Variants in CACNA1C observed in about 807,000 individuals in gnomAD.
CACNA1C encodes the protein voltage-dependent L-type calcium channel subunit alpha-1C.
A neutral mutation model predicts 229.0 loss-of-function variants in CACNA1C; 30 were observed. The ratio of observed to expected loss-of-function variants is 0.13; its 90% confidence interval spans 0.10 to 0.18. The LOEUF is 0.18. Among genes scored for constraint, CACNA1C ranks in the 10% least tolerant of loss-of-function variants. CACNA1C has a pLI of 1.00. For missense variants in CACNA1C, 1,658 were observed against 2,845.0 expected (o/e 0.58, Z 9.49); for synonymous variants, 1,114 against 1,132.5 (o/e 0.98, Z 0.33).
chr12:2,594,731 C>A (rs983574786), intron 19 of CACNA1C, among the ~76,000 whole-genome samples: 5 of 152,158 alleles, frequency 3.3e-5, no homozygotes, highest in African/African-American at 1.2e-4. Context: ...GGGGCTTGTC[C>A]TTTTGTGCAT....
chr12:2,109,523 C>T (rs1056362273), intron 1 of CACNA1C, among the ~76,000 whole-genome samples: 5 of 152,140 alleles, frequency 3.3e-5, no homozygotes, highest in Non-Finnish European at 7.3e-5. Context: ...TTGGACCGGG[C>T]CCAGAGGGGA....
chr12:2,147,787 T>TG (rs1313942932), intron 3 of CACNA1C, among the ~76,000 whole-genome samples: 3 of 125,662 alleles, frequency 2.4e-5, no homozygotes, highest in East Asian at 2.3e-4. Context: ...GGGGGGATTT[T>TG]GGGGGGGCAA....
chr12:2,669,055 C>A lies in CACNA1C; in HGVS notation c.4726+20C>A. The stretch of plus-strand genomic sequence containing the variant: ...CAGAAGGTAAGGTCGCCCGTGGGCA[C>A]TGGGAGAGACACTCAGAAGGTCTAG... On this transcript the variant is annotated intron_variant, in intron 38 of 46. Transcript: ENST00000399655. 6.7e-7 allele frequency: 1 copy of A among 1,490,204 alleles called. No homozygotes were observed. Among genetic ancestry groups the A allele is most frequent in the Non-Finnish European group, 9.4e-7 (1 of 1,066,832 alleles). The allele number at this position is 1,490,204 out of a possible 1,614,324, so 92.3% of individuals were successfully genotyped here.
At chr12:2,625,867 AG>A (rs1303828499) in intron 29 of CACNA1C, among the ~76,000 whole-genome samples, 2 of 152,134 alleles carry the variant, frequency 1.3e-5, no homozygotes, top group East Asian at 3.8e-4. Context: ...CTGAGACGAG[AG>A]GATCTCTTGT....
intron 1 of CACNA1C, among the ~76,000 whole-genome samples, chr12:2,071,768 T>C (rs2061425598): frequency 6.6e-6 from 1 of 152,236 alleles, no homozygotes; most frequent in Non-Finnish European, 1.5e-5. Context: ...ATTTGCAATT[T>C]CAATGACATT....
chr12:2,154,650 T>C (rs533316918), intron 3 of CACNA1C, among the ~76,000 whole-genome samples: 4 of 152,212 alleles, frequency 2.6e-5, no homozygotes, highest in Non-Finnish European at 5.9e-5. Context: ...CACTGAAGGT[T>C]TACCAGGCAG....
intron 7 of CACNA1C, among the ~76,000 whole-genome samples, chr12:2,497,021 T>TA (rs1220138125): frequency 1.3e-5 from 2 of 152,240 alleles, no homozygotes; most frequent in African/African-American, 4.8e-5. Flanking sequence ...TGTGTAACGT[T>TA]ACCATTGTTT....
chr12:2,648,577 C>T, intron 31 of CACNA1C, 70 bp downstream of exon 31: 1 of 1,451,250 alleles, frequency 6.9e-7, no homozygotes, highest in Non-Finnish European at 9.7e-7. Flanking sequence ...TCTCCCCACC[C>T]CGAACTCCAG....
intron 13 of CACNA1C, among the ~76,000 whole-genome samples, chr12:2,577,142 G>C (rs1355527752): frequency 2.0e-5 from 3 of 152,236 alleles, no homozygotes; most frequent in Non-Finnish European, 4.4e-5. Flanking sequence ...TCTGTTGAAT[G>C]GGAAGCAACA....
In CACNA1C at chr12:2,651,869, C is replaced by A; in HGVS notation, c.4074+101C>A. ...AGGAGCCCTCCACTCTGGGGCCCTG[C>A]TCCTTCCTCTGTGTGGCAGAACTCG... On this transcript the variant is annotated intron_variant, in intron 32 of 46. Transcript: ENST00000399655. This position sits in a 1 kb window ranked among gnomAD's most constrained non-coding sequence, Gnocchi z 5.4. 1 of 917,196 alleles carries A rather than the reference C, an allele frequency of 1.1e-6. No homozygotes were observed. The highest frequency in any genetic ancestry group is 1.6e-6 in the Non-Finnish European group (1 of 621,462). 56.8% of individuals were successfully genotyped at this position (917,196 alleles called of 1,614,324 possible). A position where few individuals can be genotyped will look rare whatever the true frequency, so the allele number is the denominator to read the frequency against.
At chr12:2,121,548 G>A (rs369405742) in intron 3 of CACNA1C, among the ~76,000 whole-genome samples, 10 of 152,194 alleles carry the variant, frequency 6.6e-5, no homozygotes, top group Admixed American at 5.9e-4. Context: ...CTTGTGGCTC[G>A]GCTTGGGGCC....
chr12:2,477,236 T>C (rs1214799721), intron 5 of CACNA1C, among the ~76,000 whole-genome samples: 6 of 152,140 alleles, frequency 3.9e-5, no homozygotes, highest in Non-Finnish European at 8.8e-5. Context: ...ACAGTGGTGA[T>C]TGTCACCACC....
chr12:2,273,081 C>A (rs951089132), intron 3 of CACNA1C, among the ~76,000 whole-genome samples: 3 of 152,140 alleles, frequency 2.0e-5, no homozygotes, highest in African/African-American at 7.2e-5. Flanking sequence ...CCCTTGGTAT[C>A]CACAGGTGAT....
chr12:2,031,117 C>G (rs1033492839), intron 1 of CACNA1C, among the ~76,000 whole-genome samples: 11 of 152,146 alleles, frequency 7.2e-5, no homozygotes, highest in African/African-American at 2.7e-4. Context: ...AGATTTTGTT[C>G]TTTTGTAGTA....
chr12:2,111,371 G>C (rs572023940), intron 1 of CACNA1C, among the ~76,000 whole-genome samples: 1 of 152,198 alleles, frequency 6.6e-6, no homozygotes, highest in African/African-American at 2.4e-5. Flanking sequence ...TCCGGGTGCA[G>C]GGATGCTCCC....
Position 2,410,067 on chromosome 12 carries a change from C to T in CACNA1C, c.478-38909C>T, listed in dbSNP as rs377002806. Among the ~76,000 whole-genome samples the T allele has an allele frequency of 3.9e-5, 6 of 152,308 alleles. No individual in the cohort carries two copies. The East Asian group carries it at 1.2e-3, about 29-fold the overall frequency. Reference sequence around the variant, plus strand: ...ATGAATCATCCTCACCTGCCAGCCGCGGGCCTCAGCAAGCTGGCAGCTTCG... The same window carrying T: ...ATGAATCATCCTCACCTGCCAGCCGTGGGCCTCAGCAAGCTGGCAGCTTCG... On this transcript the variant is annotated intron_variant, in intron 3 of 46. Transcript: ENST00000399655. The surrounding 1 kb of genome is among the most constrained non-coding windows in gnomAD (Gnocchi z 5.3).
rs370074780 is a variant in CACNA1C at position 2,463,161 on chromosome 12, A to G, written c.757+5455A>G. On this transcript the variant is annotated intron_variant, in intron 5 of 46. Transcript: ENST00000399655. ...CCTGACCTCGTGATCTGCCCGCCTCAGCCTCCCAAAGTGCTGGGATTACAG... is the reference window on the plus strand; with the variant it reads ...CCTGACCTCGTGATCTGCCCGCCTCGGCCTCCCAAAGTGCTGGGATTACAG... Among the ~76,000 whole-genome samples the G allele has an allele frequency of 3.2e-4, 49 of 152,270 alleles. No homozygotes were observed. The South Asian group carries it at 4.4e-3, about 14-fold the overall frequency.
chr12:2,593,692 C>G (rs1447698943), intron 19 of CACNA1C, among the ~76,000 whole-genome samples: 7 of 152,242 alleles, frequency 4.6e-5, no homozygotes, highest in Admixed American at 4.6e-4. Context: ...ACTCACTCAT[C>G]TGCTCCTTAC....
chr12:2,610,573 G>C lies in CACNA1C; in HGVS notation c.3591G>C (p.Arg1197=). 1 of 1,614,002 alleles carries C rather than the reference G, an allele frequency of 6.2e-7. No homozygotes were observed. ...GCGTGGAATACGCCCTCAAGGCCCG[G>C]CCCCTGCGGAGGTACATCCCCAAGA... is the stretch of plus-strand genomic sequence containing the variant. ...RQCVEYALKA[R]PLRRYIPKNQ... is the part of the protein sequence containing the mutation. Residue 1197 remains arginine, a synonymous_variant, in exon 28 of 47, where the codon CGG becomes CGC. Transcript: ENST00000399655.
Sources: allele counts gnomAD v4.1 joint callset (sites outside exome capture counted in the v4.1 genomes callset), GRCh38; gene constraint gnomAD v4.1.1; non-coding constraint Gnocchi (gnomAD v3.1); transcripts MANE v1.5; gene names NCBI Gene and HGNC (gene_info 2026-07-23, HGNC 2026-07-21).